LGSN: variants seen among roughly 807,000 people sequenced by gnomAD.
LGSN encodes lengsin.
LGSN carries 21 observed loss-of-function variants against 19.5 expected under a neutral mutation model. The ratio of observed to expected loss-of-function variants is 1.07; its 90% CI spans 0.76 to 1.55. The LOEUF is 1.55. Among genes scored for constraint, LGSN ranks in the 40% most tolerant of loss-of-function variants. LGSN has a pLI of 0.00. For synonymous variants in LGSN, 257 were observed against 215.6 expected, an observed-to-expected ratio of 1.19 and a Z score of -1.68; for missense variants, 673 against 608.5, an observed-to-expected ratio of 1.11 and a Z score of -1.12.
the LGSN span, among the ~76,000 whole-genome samples, chr6:63,472,011 T>C: frequency 6.6e-6 from 1 of 152,208 alleles, no homozygotes; most frequent in African/African-American, 2.4e-5. Context: ...GATTATTTTC[T>C]TTTTTTCTCT....
chr6:63,321,769 T>C (rs960308756), upstream of LGSN, among the ~76,000 whole-genome samples: 2 of 152,192 alleles, frequency 1.3e-5, no homozygotes, highest in African/African-American at 4.8e-5. Context: ...AGAAAAATAA[T>C]AAATGGTCAA....
the LGSN span, among the ~76,000 whole-genome samples, chr6:63,498,972 G>A: frequency 2.6e-5 from 4 of 152,140 alleles, no homozygotes; most frequent in South Asian, 8.3e-4. Flanking sequence ...CCTAAAGCAC[G>A]TACTTTTTAA....
chr6:63,572,748 G>C, the LGSN span: 1 of 398,306 alleles, frequency 2.5e-6, no homozygotes, highest in Non-Finnish European at 4.4e-6. Flanking sequence ...GTCGCCTCTC[G>C]GGCTGGGAAT....
At chr6:63,474,996 C>T in the LGSN span, among the ~76,000 whole-genome samples, 4 of 151,848 alleles carry the variant, frequency 2.6e-5, no homozygotes, top group Non-Finnish European at 5.9e-5. Flanking sequence ...AATAATTATT[C>T]CTACAAGTTT....
chr6:63,453,599 T>C, the LGSN span, among the ~76,000 whole-genome samples: 1 of 152,144 alleles, frequency 6.6e-6, no homozygotes, highest in South Asian at 2.1e-4. Context: ...CTTTTTTTTT[T>C]GTTTGCATGG....
the LGSN span, among the ~76,000 whole-genome samples, chr6:63,447,011 T>C: frequency 8.5e-5 from 13 of 152,162 alleles, no homozygotes; most frequent in Non-Finnish European, 1.5e-5. Flanking sequence ...ATCGTGCCGT[T>C]GCACTCCAGC....
chr6:63,366,265 C>A, the LGSN span, among the ~76,000 whole-genome samples: 2 of 151,968 alleles, frequency 1.3e-5, no homozygotes, highest in East Asian at 1.9e-4. Flanking sequence ...ATCAATGTGC[C>A]AAAATCACAA....
chr6:63,456,394 CTT>C, the LGSN span, among the ~76,000 whole-genome samples: 1 of 62,150 alleles, frequency 1.6e-5, no homozygotes, highest in Non-Finnish European at 3.0e-5. Context: ...TATATATATA[CTT>C]TTTTTTTTTT....
chr6:63,337,698 G>T, the LGSN span, among the ~76,000 whole-genome samples: 1 of 150,462 alleles, frequency 6.6e-6, no homozygotes, highest in East Asian at 2.0e-4. Flanking sequence ...TAGCTACTCA[G>T]GAGGCTCAGA....
chr6:63,361,072 G>A, the LGSN span, among the ~76,000 whole-genome samples: 2 of 152,170 alleles, frequency 1.3e-5, no homozygotes, highest in South Asian at 2.1e-4. Flanking sequence ...CCCTACTGGG[G>A]GGTGCCTCCC....
the LGSN span, among the ~76,000 whole-genome samples, chr6:63,406,969 A>G: frequency 6.6e-6 from 1 of 152,212 alleles, no homozygotes; most frequent in Non-Finnish European, 1.5e-5. Context: ...CCCTCCCAAG[A>G]CTAAACCAGG....
chr6:63,538,881 A>T, the LGSN span, among the ~76,000 whole-genome samples: 1 of 151,866 alleles, frequency 6.6e-6, no homozygotes, highest in African/African-American at 2.4e-5. Context: ...AGAAGTAATA[A>T]TATTTATTTA....
chr6:63,338,059 T>C, the LGSN span, among the ~76,000 whole-genome samples: 1 of 151,934 alleles, frequency 6.6e-6, no homozygotes, highest in Admixed American at 6.6e-5. Context: ...CTAATTTTTG[T>C]ATTTTTAGTA....
the LGSN span, among the ~76,000 whole-genome samples, chr6:63,416,343 C>A: frequency 6.6e-6 from 1 of 152,126 alleles, no homozygotes; most frequent in Non-Finnish European, 1.5e-5. Flanking sequence ...GAGGGCCAAA[C>A]TGAGAAATAA....
chr6:63,456,229 A>G, the LGSN span, among the ~76,000 whole-genome samples: 24 of 145,332 alleles, frequency 1.7e-4, no homozygotes, highest in Non-Finnish European at 3.5e-4. Flanking sequence ...GACTCCATCT[A>G]AAAAAAAAAG....
the LGSN span, among the ~76,000 whole-genome samples, chr6:63,504,032 A>G: frequency 1.3e-5 from 2 of 152,236 alleles, no homozygotes; most frequent in Admixed American, 6.5e-5. Flanking sequence ...GTTATTAGGA[A>G]AGAGAAATGA....
At chr6:63,485,587 C>T in the LGSN span, among the ~76,000 whole-genome samples, 1 of 152,238 alleles carries the variant, frequency 6.6e-6, no homozygotes, top group South Asian at 2.1e-4. Flanking sequence ...ATTTCTGGTT[C>T]TAGATTCTTG....
the LGSN span, among the ~76,000 whole-genome samples, chr6:63,327,381 A>G: frequency 2.6e-5 from 4 of 152,174 alleles, no homozygotes; most frequent in Admixed American, 6.5e-5. Flanking sequence ...AGAGGTTGGT[A>G]TAAGAATTTG....
chr6:63,442,060 T>C, the LGSN span, among the ~76,000 whole-genome samples: 1 of 152,196 alleles, frequency 6.6e-6, no homozygotes, highest in Non-Finnish European at 1.5e-5. Context: ...ACTTAAGAAG[T>C]GAGGCGCAGA....
Sources: allele counts gnomAD v4.1 joint callset (sites outside exome capture counted in the v4.1 genomes callset), GRCh38; gene constraint gnomAD v4.1.1; transcripts MANE v1.5; gene names NCBI Gene and HGNC (gene_info 2026-07-23, HGNC 2026-07-21).